SPRY3: variants seen among roughly 807,000 people sequenced by gnomAD.
SPRY3 encodes sprouty RTK signaling antagonist 3, also known as protein sprouty homolog 3.
A neutral mutation model predicts 20.2 loss-of-function variants in SPRY3; 15 were observed. That is an observed-to-expected ratio of 0.74 (90% CI 0.50 to 1.14). The LOEUF (loss-of-function observed/expected upper bound fraction) is 1.14. SPRY3 is among the 50% of genes most tolerant of loss of function. SPRY3 has a pLI of 0.00. For missense variants in SPRY3, 364 were observed against 363.9 expected (o/e 1.00, Z 0.00); for synonymous variants, 143 against 136.5 (o/e 1.05, Z -0.33).
chrX:155,722,547 G>T (rs9657868), intron 2 of SPRY3, among the ~76,000 whole-genome samples: 164 of 151,880 alleles, frequency 1.1e-3, no homozygotes, highest in African/African-American at 3.9e-3. Flanking sequence ...ATTAAAGCAA[G>T]AAATTAAATC....
chrX:155,637,213 A>G (rs1465245460), intron 1 of SPRY3, among the ~76,000 whole-genome samples: 1 of 110,972 alleles, frequency 9.0e-6, no homozygotes, highest in Non-Finnish European at 1.9e-5. Flanking sequence ...TAATAATATT[A>G]AAATACAAAG....
At chrX:155,677,087 C>G (rs957579675) in intron 2 of SPRY3, among the ~76,000 whole-genome samples, 3 of 111,528 alleles carry the variant, frequency 2.7e-5, no homozygotes, top group Non-Finnish European at 5.6e-5. Flanking sequence ...ATTTGCATTT[C>G]TCACAGAATG....
At chrX:155,653,493 A>G (rs184407696) in intron 1 of SPRY3, among the ~76,000 whole-genome samples, 1 of 112,051 alleles carries the variant, frequency 8.9e-6, no homozygotes, top group Non-Finnish European at 1.9e-5. Flanking sequence ...CATTTGTTGA[A>G]GAGACTGTTC....
intron 2 of SPRY3, among the ~76,000 whole-genome samples, chrX:155,719,361 T>G (rs1485738878): frequency 6.6e-6 from 1 of 151,706 alleles, no homozygotes; most frequent in African/African-American, 2.4e-5. Context: ...GCTCTGGGGC[T>G]CTAAATAAAC....
At chrX:155,708,335 A>G (rs1014360210) in intron 2 of SPRY3, among the ~76,000 whole-genome samples, 9 of 151,468 alleles carry the variant, frequency 5.9e-5, no homozygotes, top group Non-Finnish European at 1.0e-4. Context: ...CTTTGAATAT[A>G]TAATCCCACT....
At chrX:155,626,973 A>G (rs1557349990) in intron 1 of SPRY3, among the ~76,000 whole-genome samples, 2 of 111,758 alleles carry the variant, frequency 1.8e-5, no homozygotes, top group African/African-American at 6.5e-5. Context: ...AGATAAAATT[A>G]TATGTATTTA....
At chrX:155,688,733 C>T (rs1225722669) in intron 2 of SPRY3, among the ~76,000 whole-genome samples, 3 of 105,165 alleles carry the variant, frequency 2.9e-5, no homozygotes, top group African/African-American at 1.1e-4. Flanking sequence ...GCAGGATGTG[C>T]AGGTTTGTTA....
chrX:155,670,906 T>A (rs1479898826), intron 2 of SPRY3, among the ~76,000 whole-genome samples: 1 of 112,199 alleles, frequency 8.9e-6, no homozygotes, highest in Non-Finnish European at 1.9e-5. Context: ...CCAAATACAC[T>A]GATCATCCTA....
At chrX:155,659,147 C>CTT (rs1359224082) in intron 2 of SPRY3, among the ~76,000 whole-genome samples, 1 of 100,556 alleles carries the variant, frequency 9.9e-6, no homozygotes, top group Non-Finnish European at 2.0e-5. Flanking sequence ...TTCTTTCTTT[C>CTT]TTTCTTTCTT....
chrX:155,768,368 G>C lies in SPRY3; in HGVS notation c.-107+232G>C, dbSNP rs1031770470. ...CATTGGAAATGTGTAAATCCAAATA[G>C]GACTTCAAAATAATATTTTTCTAGG... On this transcript the variant is annotated intron_variant, in intron 3 of 3. Transcript: ENST00000675360. Among the ~76,000 whole-genome samples, 6 of 152,156 alleles carry C rather than the reference G, an allele frequency of 3.9e-5. No individual in the cohort carries two copies. In the South Asian group the frequency reaches 8.3e-4, roughly 21 times the overall value.
chrX:155,772,050 G>A (rs2091384681), intron 3 of SPRY3, among the ~76,000 whole-genome samples: 1 of 152,094 alleles, frequency 6.6e-6, no homozygotes, highest in African/African-American at 2.4e-5. Flanking sequence ...TGACAAAAGT[G>A]ACATAAATAT....
intron 2 of SPRY3, among the ~76,000 whole-genome samples, chrX:155,720,977 T>C (rs1463937915): frequency 1.3e-5 from 2 of 152,164 alleles, no homozygotes; most frequent in Non-Finnish European, 2.9e-5. Context: ...GAAACAGAGA[T>C]ATCTGACTTT....
chrX:155,664,220 G>A (rs781810691), intron 2 of SPRY3, among the ~76,000 whole-genome samples: 1 of 108,708 alleles, frequency 9.2e-6, no homozygotes, highest in African/African-American at 3.3e-5. Flanking sequence ...CTAAATGAAC[G>A]TAGAGTTATA....
chrX:155,744,045 T>C (rs1225228039), intron 2 of SPRY3, among the ~76,000 whole-genome samples: 1 of 152,102 alleles, frequency 6.6e-6, no homozygotes, highest in African/African-American at 2.4e-5. Flanking sequence ...CTGGGCAACT[T>C]TGGCTGGAGG....
chrX:155,693,770 G>T (rs1288967030), intron 2 of SPRY3, among the ~76,000 whole-genome samples: 2 of 98,499 alleles, frequency 2.0e-5, no homozygotes, highest in Admixed American at 1.2e-4. Flanking sequence ...TATACATACT[G>T]ATAATCTCTG....
intron 2 of SPRY3, among the ~76,000 whole-genome samples, chrX:155,766,246 C>T (rs1056884845): frequency 8.5e-5 from 13 of 152,098 alleles, no homozygotes; most frequent in South Asian, 2.1e-4. Flanking sequence ...CCCACACAGC[C>T]GTACTTTTTT....
intron 3 of SPRY3, among the ~76,000 whole-genome samples, chrX:155,773,390 A>G (rs2091396431): frequency 6.8e-6 from 1 of 146,388 alleles, no homozygotes; most frequent in African/African-American, 2.5e-5. Flanking sequence ...TTCCTTCAGC[A>G]TTGCTTCAGA....
intron 2 of SPRY3, among the ~76,000 whole-genome samples, chrX:155,715,019 G>T (rs772871335): frequency 6.6e-6 from 1 of 152,098 alleles, no homozygotes; most frequent in South Asian, 2.1e-4. Context: ...TGCTGTCTAA[G>T]AGCCTAGGCC....
chrX:155,692,961 T>G (rs2068107990), intron 2 of SPRY3, among the ~76,000 whole-genome samples: 1 of 111,235 alleles, frequency 9.0e-6, no homozygotes, highest in Admixed American at 9.6e-5. Flanking sequence ...TGATCTTTAG[T>G]TGATCTTTAA....
Sources: gnomAD v4.1 joint callset for allele counts (sites outside exome capture counted in the v4.1 genomes callset) on GRCh38, gnomAD v4.1.1 for gene constraint, MANE v1.5 for transcripts, NCBI Gene and HGNC (gene_info 2026-07-23, HGNC 2026-07-21) for gene names.